NXPE4: variants seen among roughly 807,000 people sequenced by gnomAD.
The protein encoded by NXPE4 is NXPE family member 4.
A neutral mutation model predicts 33.3 loss-of-function variants in NXPE4; 42 were observed. The ratio of observed to expected loss-of-function variants is 1.26; its 90% CI spans 0.98 to 1.63. The LOEUF is 1.63. Among genes scored for constraint, NXPE4 ranks in the 40% most tolerant of loss-of-function variants. The pLI is 0.00. For missense variants in NXPE4, 709 were observed against 647.6 expected (o/e 1.09, Z -1.03); for synonymous variants, 253 against 234.9 (o/e 1.08, Z -0.71).
At chr11:114,660,934 G>T in the NXPE4 span, among the ~76,000 whole-genome samples, 3 of 152,044 alleles carry the variant, frequency 2.0e-5, no homozygotes, top group African/African-American at 7.2e-5. Context: ...TTTTAGGCCT[G>T]CCCCTTAATA....
the NXPE4 span, among the ~76,000 whole-genome samples, chr11:114,627,332 T>C: frequency 6.6e-6 from 1 of 152,042 alleles, no homozygotes; most frequent in African/African-American, 2.4e-5. Context: ...TGGCAGAAAC[T>C]CTACAAGCCA....
At chr11:114,650,545 A>G in the NXPE4 span, among the ~76,000 whole-genome samples, 131,834 of 152,138 alleles carry the variant, frequency 0.87, 57,777 homozygotes, top group Non-Finnish European at 0.92. Flanking sequence ...AGGAAGGGCA[A>G]GTACTGTTCT....
At chr11:114,672,271 C>T in the NXPE4 span, among the ~76,000 whole-genome samples, 1 of 151,860 alleles carries the variant, frequency 6.6e-6, no homozygotes, top group East Asian at 1.9e-4. Context: ...AACATAAAAA[C>T]CATGAATAAT....
At chr11:114,638,905 G>T in the NXPE4 span, among the ~76,000 whole-genome samples, 1 of 102,090 alleles carries the variant, frequency 9.8e-6, no homozygotes, top group Non-Finnish European at 2.0e-5. Flanking sequence ...AGGCTGCTTG[G>T]GGGTCAGGGG....
the NXPE4 span, among the ~76,000 whole-genome samples, chr11:114,652,751 GCT>G: frequency 0.33 from 49,736 of 151,854 alleles, 8,380 homozygotes; most frequent in East Asian, 0.41. Flanking sequence ...GTCAAGAATG[GCT>G]CTGTGTTTTG....
chr11:114,602,664 AATT>A, the NXPE4 span, among the ~76,000 whole-genome samples: 3 of 142,142 alleles, frequency 2.1e-5, no homozygotes, highest in South Asian at 6.9e-4. Context: ...CATATATAAT[AATT>A]ACAGAATCAT....
intron 2 of NXPE4, among the ~76,000 whole-genome samples, chr11:114,589,895 T>A (rs1222645433): frequency 6.6e-6 from 1 of 152,178 alleles, no homozygotes; most frequent in African/African-American, 2.4e-5. Flanking sequence ...GAGGCCATAG[T>A]CTCAATCCAT....
At chr11:114,611,176 G>T in the NXPE4 span, among the ~76,000 whole-genome samples, 2 of 151,526 alleles carry the variant, frequency 1.3e-5, no homozygotes, top group African/African-American at 4.8e-5. Flanking sequence ...CTGTCTCATG[G>T]GTAACCACTG....
At chr11:114,651,530 T>C in the NXPE4 span, among the ~76,000 whole-genome samples, 4 of 152,308 alleles carry the variant, frequency 2.6e-5, no homozygotes, top group African/African-American at 9.6e-5. Flanking sequence ...TGGAAGAGAA[T>C]CCGAAAAGAT....
Position 114,587,374 on chromosome 11 carries a change from A to G in NXPE4, c.97-4353T>C, listed in dbSNP as rs76059334. Among the ~76,000 whole-genome samples, 170 of 152,362 alleles carry G rather than the reference A, an allele frequency of 1.1e-3. 1 individual carries two copies. The East Asian group carries it at 0.031, about 28-fold the overall frequency. The stretch of plus-strand genomic sequence containing the variant: ...GCCACTGCCTAAGAATAAATACTTT[A>G]GTACAGGACATAATAGCAAATTGTA... On this transcript the variant is annotated intron_variant, in intron 2 of 5. Coordinates refer to ENST00000375478, the MANE Select transcript of NXPE4 (RefSeq NM_001077639.2).
the NXPE4 span, among the ~76,000 whole-genome samples, chr11:114,610,045 C>T: frequency 3.2e-4 from 48 of 151,822 alleles, no homozygotes; most frequent in East Asian, 1.8e-3. Context: ...CACTTTTCCC[C>T]GGTGGATAAT....
chr11:114,611,352 C>G, the NXPE4 span, among the ~76,000 whole-genome samples: 19 of 151,342 alleles, frequency 1.3e-4, no homozygotes, highest in Admixed American at 9.9e-4. Flanking sequence ...TGGGTAACCA[C>G]TGTTACCCGG....
At chr11:114,622,935 G>C in the NXPE4 span, among the ~76,000 whole-genome samples, 1 of 152,054 alleles carries the variant, frequency 6.6e-6, no homozygotes, top group Non-Finnish European at 1.5e-5. Flanking sequence ...GTATTGCCTC[G>C]TGGGTTACCA....
At chr11:114,663,721 A>AT in the NXPE4 span, among the ~76,000 whole-genome samples, 2 of 120,626 alleles carry the variant, frequency 1.7e-5, no homozygotes, top group Non-Finnish European at 3.6e-5. Context: ...TATCTGATCT[A>AT]CCTACCTATC....
chr11:114,632,749 A>C, the NXPE4 span, among the ~76,000 whole-genome samples: 32 of 63,922 alleles, frequency 5.0e-4, no homozygotes, highest in African/African-American at 1.8e-3. Flanking sequence ...AAAATATATT[A>C]TAATATATCA....
At chr11:114,633,135 T>C in the NXPE4 span, among the ~76,000 whole-genome samples, 1 of 126,246 alleles carries the variant, frequency 7.9e-6, no homozygotes, top group East Asian at 2.2e-4. Context: ...TTATATTTCA[T>C]ATATTATTTT....
the NXPE4 span, among the ~76,000 whole-genome samples, chr11:114,614,109 C>T: frequency 2.0e-5 from 3 of 151,866 alleles, no homozygotes; most frequent in South Asian, 2.1e-4. Context: ...AGTGTTGCCT[C>T]GTGGGTAACC....
At chr11:114,625,816 G>A in the NXPE4 span, among the ~76,000 whole-genome samples, 3 of 152,100 alleles carry the variant, frequency 2.0e-5, no homozygotes, top group Non-Finnish European at 4.4e-5. Context: ...CAGTGGGTGA[G>A]CACACCACGT....
At chr11:114,644,573 A>T in the NXPE4 span, among the ~76,000 whole-genome samples, 1 of 152,198 alleles carries the variant, frequency 6.6e-6, no homozygotes, top group Admixed American at 6.5e-5. Flanking sequence ...CTAAAATTAA[A>T]ATAAGATATA....
Sources: allele counts gnomAD v4.1 joint callset (sites outside exome capture counted in the v4.1 genomes callset), GRCh38; gene constraint gnomAD v4.1.1; transcripts MANE v1.5; gene names NCBI Gene and HGNC (gene_info 2026-07-23, HGNC 2026-07-21).